ARMH1: variants seen among roughly 807,000 people sequenced by gnomAD.
The protein encoded by ARMH1 is armadillo-like helical domain containing protein 1.
A neutral mutation model predicts 50.2 loss-of-function variants in ARMH1; 34 were observed. That is an observed-to-expected ratio of 0.68 (90% CI 0.51 to 0.90). The LOEUF is 0.90. Among genes scored for constraint, ARMH1 ranks in the 40% least tolerant of loss-of-function variants. The pLI is 0.00. For synonymous variants in ARMH1, 221 were observed against 224.2 expected, an observed-to-expected ratio of 0.99 and a Z score of 0.13; for missense variants, 538 against 553.9, an observed-to-expected ratio of 0.97 and a Z score of 0.29.
intron 1 of ARMH1, among the ~76,000 whole-genome samples, chr1:44,679,628 C>T (rs1645243921): frequency 6.6e-6 from 1 of 152,220 alleles, no homozygotes; most frequent in Non-Finnish European, 1.5e-5. Context: ...CCAAAGATGA[C>T]ACCGCTGCTG....
intron 5 of ARMH1, 150 bp downstream of exon 5, chr1:44,701,269 C>A: frequency 1.3e-6 from 1 of 757,894 alleles, no homozygotes; most frequent in Non-Finnish European, 2.1e-6. Context: ...TTCCAGAAGG[C>A]CAAGGTAGGG....
intron 5 of ARMH1, among the ~76,000 whole-genome samples, chr1:44,702,338 A>G (rs539737815): frequency 6.6e-6 from 1 of 152,238 alleles, no homozygotes; most frequent in African/African-American, 2.4e-5. Context: ...GCTAAGTAAA[A>G]GGTGTTTACC....
chr1:44,688,070 G>C (rs1263617593), intron 1 of ARMH1: 3 of 152,222 alleles, frequency 2.0e-5, no homozygotes, highest in Non-Finnish European at 4.4e-5. Context: ...CCATTTTCTT[G>C]ATGTCAGTTT....
chr1:44,725,273 C>G lies in ARMH1; in HGVS notation c.1211-18C>G. The G allele has an allele frequency of 6.4e-7, 1 of 1,551,788 alleles. No individual in the cohort carries two copies. On this transcript the variant is annotated intron_variant, in intron 11 of 11. Transcript: ENST00000535358. ...GGCGCCGCCAGCACAGCCTCACGCC[C>G]GCCTTTCCTGCCTGCAGCCCTGTGC...
chr1:44,715,460 A>G (rs760915730), intron 6 of ARMH1, among the ~76,000 whole-genome samples: 2 of 152,232 alleles, frequency 1.3e-5, no homozygotes, highest in Admixed American at 6.5e-5. Flanking sequence ...TAATGCTGAT[A>G]GGCTGTGGAT....
chr1:44,704,251 A>C (rs1318379318), intron 6 of ARMH1, 78 bp downstream of exon 6: 2 of 1,092,684 alleles, frequency 1.8e-6, no homozygotes, highest in Non-Finnish European at 2.7e-6. Context: ...CTTAGTCACA[A>C]AGAGCCTTGA....
At chr1:44,698,540 G>A (rs1645905733) in intron 4 of ARMH1, among the ~76,000 whole-genome samples, 1 of 152,206 alleles carries the variant, frequency 6.6e-6, no homozygotes, top group Non-Finnish European at 1.5e-5. Flanking sequence ...GCCGGGCGCG[G>A]TGGCTCACAC....
chr1:44,716,825 A>C (rs1646870101), intron 6 of ARMH1, among the ~76,000 whole-genome samples: 1 of 149,822 alleles, frequency 6.7e-6, no homozygotes, highest in Non-Finnish European at 1.5e-5. Flanking sequence ...AGAATATGGG[A>C]TTTGGAATCC....
At chr1:44,700,622 A>G (rs553079269) in intron 4 of ARMH1, among the ~76,000 whole-genome samples, 18 of 152,152 alleles carry the variant, frequency 1.2e-4, no homozygotes, top group African/African-American at 4.3e-4. Flanking sequence ...TCTCAAAAAA[A>G]AAAAAAAAAA....
At chr1:44,702,139 ATTATC>A (rs1391378731) in intron 5 of ARMH1, among the ~76,000 whole-genome samples, 1 of 152,058 alleles carries the variant, frequency 6.6e-6, no homozygotes, top group Admixed American at 6.6e-5. Context: ...GATTATCATT[ATTATC>A]TTATTTCCAC....
intron 2 of ARMH1, among the ~76,000 whole-genome samples, chr1:44,692,731 TTTTG>T (rs372344679): frequency 3.9e-5 from 6 of 152,064 alleles, no homozygotes; most frequent in Admixed American, 6.6e-5. Flanking sequence ...AATGTTCTTT[TTTTG>T]TTTGTTTGTT....
intron 1 of ARMH1, among the ~76,000 whole-genome samples, chr1:44,679,549 C>T (rs1367842674): frequency 6.6e-6 from 1 of 152,228 alleles, no homozygotes; most frequent in African/African-American, 2.4e-5. Flanking sequence ...TTATGGTTTA[C>T]AGAAGAACAG....
chr1:44,700,391 G>A lies in ARMH1; in HGVS notation c.443-532G>A, dbSNP rs144714388. On this transcript the variant is annotated intron_variant, in intron 4 of 11. Coordinates refer to ENST00000535358, the MANE Select transcript of ARMH1 (RefSeq NM_001145636.2). ...CCAACACTTCGGGAGGCCAAGGTGG[G>A]CGCATCACGAGGTCAGGAGATAAAG... is the stretch of plus-strand genomic sequence containing the variant. 2.5e-3 allele frequency among the ~76,000 whole-genome samples: 375 copies of A among 152,206 alleles called. 2 individuals carry two copies. The highest frequency in any genetic ancestry group is 6.8e-3 in the Middle Eastern group (2 of 294).
Position 44,724,324 on chromosome 1 carries a change from C to T in ARMH1, c.852C>T (p.Pro284=), listed in dbSNP as rs1258632587. 1.1e-5 allele frequency: 17 copies of T among 1,551,480 alleles called. No homozygotes were observed. The African/African-American group carries it at 1.2e-4, about 11-fold the overall frequency. ...TCACGGCTGCCCCCTCCTCAGACCC[C>T]TCGGTTCTCCAGCTCACCCCCAGCC... is the stretch of plus-strand genomic sequence containing the variant. ...SKLQAKILSD[P]SVLQLTPSLP... Residue 284 remains proline, a synonymous_variant, in exon 8 of 12, where the codon CCC becomes CCT. Coordinates refer to ENST00000535358, the MANE Select transcript of ARMH1 (RefSeq NM_001145636.2). This position sits in a 1 kb window ranked among gnomAD's most constrained non-coding sequence, Gnocchi z 6.4.
Position 44,724,047 on chromosome 1 carries a change from G to C in ARMH1, c.725-75G>C. ...GGAGGACACTGACGAGTGGCGACTT[G>C]GTTCACGGGGTTCTTTGCTTCCTCG... On this transcript the variant is annotated intron_variant, in intron 6 of 11. Coordinates refer to ENST00000535358, the MANE Select transcript of ARMH1 (RefSeq NM_001145636.2). This position sits in a 1 kb window ranked among gnomAD's most constrained non-coding sequence, Gnocchi z 6.4. 2 of 1,507,788 alleles carry C rather than the reference G, an allele frequency of 1.3e-6. No homozygotes were observed. The highest frequency in any genetic ancestry group is 1.8e-6 in the Non-Finnish European group (2 of 1,123,290). 93.4% of individuals were successfully genotyped at this position (1,507,788 alleles called of 1,614,324 possible).
At chr1:44,676,929 G>A (rs1573259795) in intron 1 of ARMH1, among the ~76,000 whole-genome samples, 3 of 152,236 alleles carry the variant, frequency 2.0e-5, no homozygotes, top group Admixed American at 2.0e-4. Flanking sequence ...TGAGAATGGT[G>A]CCCTTGAAAA....
intron 5 of ARMH1, among the ~76,000 whole-genome samples, chr1:44,703,493 C>T (rs1463525859): frequency 6.7e-6 from 1 of 148,446 alleles, no homozygotes; most frequent in African/African-American, 2.5e-5. Flanking sequence ...GAGGCTGAAA[C>T]GGGTGGATCA....
At chr1:44,715,970 C>T (rs1451544977) in intron 6 of ARMH1, among the ~76,000 whole-genome samples, 3 of 152,248 alleles carry the variant, frequency 2.0e-5, no homozygotes, top group Non-Finnish European at 1.5e-5. Flanking sequence ...AGCATCCTCT[C>T]AGCTTCATGG....
chr1:44,678,840 C>A (rs1645217541), intron 1 of ARMH1, among the ~76,000 whole-genome samples: 1 of 152,146 alleles, frequency 6.6e-6, no homozygotes, highest in African/African-American at 2.4e-5. Flanking sequence ...AGAAACAAGA[C>A]CTATTGACCT....
Sources: allele counts gnomAD v4.1 joint callset (sites outside exome capture counted in the v4.1 genomes callset), GRCh38; gene constraint gnomAD v4.1.1; non-coding constraint Gnocchi (gnomAD v3.1); transcripts MANE v1.5; gene names NCBI Gene and HGNC (gene_info 2026-07-23, HGNC 2026-07-21).